Variants in PSKH1 observed in about 807,000 individuals in gnomAD.
PSKH1 encodes protein serine kinase H1, also known as serine/threonine-protein kinase H1.
PSKH1 carries 12 observed loss-of-function variants against 26.7 expected under a neutral mutation model. The ratio of observed to expected loss-of-function variants is 0.45; its 90% CI spans 0.29 to 0.73. PSKH1 has a LOEUF of 0.73. Among genes scored for constraint, PSKH1 ranks in the 30% least tolerant of loss-of-function variants. PSKH1 has a pLI of 0.11. For synonymous variants in PSKH1, 213 were observed against 234.3 expected (o/e 0.91, Z 0.83); for missense variants, 431 against 595.2 (o/e 0.72, Z 2.87).
intron 2 of PSKH1, among the ~76,000 whole-genome samples, chr16:67,925,609 G>C (rs190402328): frequency 6.6e-6 from 1 of 152,074 alleles, no homozygotes; most frequent in Admixed American, 6.5e-5. Context: ...ATGGGCCTTC[G>C]TTGGCTGCAT....
In PSKH1 at chr16:67,929,545, A is replaced by G. The variant is rs1134753; in HGVS notation, c.*1903A>G. 5.1e-5 allele frequency: 10 copies of G among 196,530 alleles called. No homozygotes were observed. Among genetic ancestry groups the G allele is most frequent in the African/African-American group, 2.3e-4 (10 of 43,596 alleles). 12.2% of individuals were successfully genotyped at this position (196,530 alleles called of 1,614,324 possible). A position where few individuals can be genotyped will look rare whatever the true frequency, so the allele number is the denominator to read the frequency against. On this transcript the variant is annotated 3_prime_UTR_variant, in exon 3 of 3. Coordinates refer to ENST00000291041, the MANE Select transcript of PSKH1 (RefSeq NM_006742.3). The stretch of plus-strand genomic sequence containing the variant: ...GGAGATGTGGGCCTTTGATAGACCC[A>G]CTTGGGCCTTCATGCCATGGCCTGT...
At chr16:67,917,941 G>A (rs1350980420) in intron 2 of PSKH1, among the ~76,000 whole-genome samples, 3 of 152,186 alleles carry the variant, frequency 2.0e-5, no homozygotes, top group African/African-American at 7.2e-5. Context: ...TGCTGGAAGT[G>A]GTGGGGAGAC....
chr16:67,918,226 G>A (rs1344971656), intron 2 of PSKH1, among the ~76,000 whole-genome samples: 1 of 152,296 alleles, frequency 6.6e-6, no homozygotes, highest in East Asian at 1.9e-4. Flanking sequence ...GGATGAAGGG[G>A]CTCTTGTAGG....
intron 1 of PSKH1, among the ~76,000 whole-genome samples, chr16:67,898,353 C>T (rs1010115600): frequency 2.6e-5 from 4 of 151,882 alleles, no homozygotes; most frequent in Non-Finnish European, 4.4e-5. Flanking sequence ...TGCAGCGAGC[C>T]GAGATTGCGC....
At chr16:67,921,228 G>A (rs1358252588) in intron 2 of PSKH1, among the ~76,000 whole-genome samples, 1 of 151,878 alleles carries the variant, frequency 6.6e-6, no homozygotes, top group Non-Finnish European at 1.5e-5. Context: ...CAGTGAGATG[G>A]TTCCATTGCA....
At chr16:67,917,727 G>C (rs2058191398) in intron 2 of PSKH1, among the ~76,000 whole-genome samples, 1 of 152,174 alleles carries the variant, frequency 6.6e-6, no homozygotes, top group African/African-American at 2.4e-5. Flanking sequence ...GGGGGCTGCT[G>C]GCCACAGCTG....
intron 2 of PSKH1, among the ~76,000 whole-genome samples, chr16:67,913,381 C>T (rs2058178464): frequency 6.6e-6 from 1 of 152,158 alleles, no homozygotes; most frequent in Non-Finnish European, 1.5e-5. Context: ...CTCCTGACCT[C>T]AGGTGATCTG....
intron 1 of PSKH1, among the ~76,000 whole-genome samples, chr16:67,907,906 T>C (rs930096057): frequency 6.6e-6 from 1 of 152,142 alleles, no homozygotes; most frequent in African/African-American, 2.4e-5. Flanking sequence ...AGAAGCAGCT[T>C]TCTGAGCCCT....
rs541135627 is a variant in PSKH1 at position 67,906,070 on chromosome 16, A to G, written c.-70-2610A>G. On this transcript the variant is annotated intron_variant, in intron 1 of 2. Coordinates refer to ENST00000291041, the MANE Select transcript of PSKH1 (RefSeq NM_006742.3). Reference sequence around the variant, plus strand: ...CATTTCTCTTCCAGTTCTATTTGTCATAATTTTTTTTTTTCTTTTTGAGAC... The same window carrying G: ...CATTTCTCTTCCAGTTCTATTTGTCGTAATTTTTTTTTTTCTTTTTGAGAC... 4.0e-5 allele frequency among the ~76,000 whole-genome samples: 6 copies of G among 151,674 alleles called. No homozygotes were observed. In the South Asian group the frequency reaches 1.2e-3, roughly 32 times the overall value.
rs759426626 is a variant in PSKH1, at chr16:67,908,873, G to A, written c.124G>A (p.Val42Met). 5 of 1,614,042 alleles carry A rather than the reference G, an allele frequency of 3.1e-6. No homozygotes were observed. Among genetic ancestry groups the A allele is most frequent in the Non-Finnish European group, 4.2e-6 (5 of 1,180,046 alleles). ...CGTGTACAAGCACTTCATCACAGAG[G>A]TGGACAGTGTTGGCCCTGTCAAAGC... The part of the protein sequence containing the change: ...SDVYKHFITE[V>M]DSVGPVKAGF... Residue 42 changes from valine (V) to methionine (M), a missense_variant, in exon 2 of 3, where the codon GTG becomes ATG. Val to Met is a conservative substitution (Grantham distance 21). Transcript: ENST00000291041.
chr16:67,902,480 A>G (rs986815223), intron 1 of PSKH1, among the ~76,000 whole-genome samples: 2 of 151,892 alleles, frequency 1.3e-5, no homozygotes, highest in Non-Finnish European at 2.9e-5. Flanking sequence ...TATTTTTAGT[A>G]GAGACGGGGT....
chr16:67,894,476 A>G (rs1345148597), intron 1 of PSKH1, among the ~76,000 whole-genome samples: 1 of 152,176 alleles, frequency 6.6e-6, no homozygotes, highest in Non-Finnish European at 1.5e-5. Context: ...CAGTTTTCTC[A>G]GTTTGCTATA....
chr16:67,908,488 T>C (rs2058162797), intron 1 of PSKH1, among the ~76,000 whole-genome samples, 192 bp from the exon 2 acceptor site: 1 of 152,190 alleles, frequency 6.6e-6, no homozygotes, highest in African/African-American at 2.4e-5. Context: ...CAGCTGGTCT[T>C]GAACTCCTGA....
intron 2 of PSKH1, among the ~76,000 whole-genome samples, chr16:67,912,834 C>T (rs1269545063): frequency 1.3e-5 from 2 of 151,846 alleles, no homozygotes; most frequent in Non-Finnish European, 2.9e-5. Context: ...TGCCATTGCA[C>T]TTCAGCCTGG....
intron 2 of PSKH1, among the ~76,000 whole-genome samples, chr16:67,924,409 C>T (rs926319646): frequency 1.6e-4 from 24 of 152,218 alleles, no homozygotes; most frequent in African/African-American, 5.5e-4. Flanking sequence ...GGGTTGATGC[C>T]TGCTGGTGTG....
intron 2 of PSKH1, among the ~76,000 whole-genome samples, chr16:67,926,771 G>A (rs561185730): frequency 1.5e-4 from 23 of 152,086 alleles, no homozygotes; most frequent in Admixed American, 3.9e-4. Flanking sequence ...GCCCTCAGCC[G>A]ACTGGGAAAT....
At chr16:67,918,226 G>T (rs1344971656) in intron 2 of PSKH1, among the ~76,000 whole-genome samples, 1 of 152,178 alleles carries the variant, frequency 6.6e-6, no homozygotes, top group Non-Finnish European at 1.5e-5. Flanking sequence ...GGATGAAGGG[G>T]CTCTTGTAGG....
At chr16:67,917,137 C>A (rs1415400103) in intron 2 of PSKH1, among the ~76,000 whole-genome samples, 2 of 152,184 alleles carry the variant, frequency 1.3e-5, no homozygotes, top group African/African-American at 4.8e-5. Context: ...ATGTTCTACA[C>A]CCCCCATCTC....
At chr16:67,920,411 G>A (rs1366096569) in intron 2 of PSKH1, among the ~76,000 whole-genome samples, 4 of 152,194 alleles carry the variant, frequency 2.6e-5, no homozygotes, top group Admixed American at 2.0e-4. Context: ...ACAGGTGTGG[G>A]CCACCACACC....
Sources: gnomAD v4.1 joint callset for allele counts (sites outside exome capture counted in the v4.1 genomes callset) on GRCh38, gnomAD v4.1.1 for gene constraint, MANE v1.5 for transcripts, NCBI Gene and HGNC (gene_info 2026-07-23, HGNC 2026-07-21) for gene names.